EPHX2: variants seen among roughly 807,000 people sequenced by gnomAD.
The protein encoded by EPHX2 is bifunctional epoxide hydrolase 2.
In EPHX2, 74 loss-of-function variants were observed where a neutral mutation model predicts 78.7. The observed-to-expected ratio is 0.94, with a 90% CI of 0.78 to 1.14. The LOEUF (loss-of-function observed/expected upper bound fraction) is 1.14, where lower values mean the gene tolerates loss of function less well. EPHX2 is among the 50% of genes most tolerant of loss of function. The pLI, the probability that EPHX2 is intolerant of heterozygous loss-of-function variation, is 0.00. For missense variants in EPHX2, 715 were observed against 702.5 expected (o/e 1.02, Z -0.20); for synonymous variants, 251 against 255.2 (o/e 0.98, Z 0.16).
chr8:27,507,489 C>T (rs1234813384), intron 5 of EPHX2, among the ~76,000 whole-genome samples: 1 of 152,152 alleles, frequency 6.6e-6, no homozygotes, highest in Admixed American at 6.5e-5. Context: ...GCCTGCTCCT[C>T]CAGTTCTGAG....
rs140672948 is a variant in EPHX2 at position 27,530,620 on chromosome 8, G to C, written c.1170+5147G>C. On this transcript the variant is annotated intron_variant, in intron 12 of 18. Transcript: ENST00000521400. ...AATGGCTGCATGGGGTTTTGTAACA[G>C]GTAGACTATGGATTATGTAATCCTC... is the stretch of plus-strand genomic sequence containing the variant. 3.1e-3 allele frequency among the ~76,000 whole-genome samples: 476 copies of C among 152,168 alleles called. 2 individuals are homozygous for C. The highest frequency in any genetic ancestry group is 0.011 in the African/African-American group (465 of 41,506).
chr8:27,512,519 A>G (rs72475824), intron 6 of EPHX2, among the ~76,000 whole-genome samples: 81 of 152,370 alleles, frequency 5.3e-4, no homozygotes, highest in Middle Eastern at 6.8e-3. Context: ...TTAAAGGGTT[A>G]TCATAAAGCC....
intron 5 of EPHX2, among the ~76,000 whole-genome samples, chr8:27,511,265 G>C (rs1415343425): frequency 6.6e-6 from 1 of 152,262 alleles, no homozygotes; most frequent in African/African-American, 2.4e-5. Flanking sequence ...AGCTGTGCTG[G>C]AGTGACTGCT....
intron 11 of EPHX2, among the ~76,000 whole-genome samples, chr8:27,522,834 A>G (rs72475889): frequency 5.3e-5 from 8 of 151,960 alleles, no homozygotes; most frequent in African/African-American, 1.9e-4. Context: ...GGTGGCGTGC[A>G]CCTATACTCC....
In EPHX2 at chr8:27,543,808, G is replaced by A. The variant is rs572922758; in HGVS notation, c.1509G>A (p.Met503Ile). Residue 503 changes from methionine to isoleucine, a missense_variant, in exon 17 of 19, where the codon ATG becomes ATA. By Grantham distance (10) the Met-to-Ile change is conservative. Coordinates refer to ENST00000521400, the MANE Select transcript of EPHX2 (RefSeq NM_001979.6). Reference protein sequence around the residue: ...AEKDFVLVPQMSQHMEDWIPH... With the variant: ...AEKDFVLVPQISQHMEDWIPH... ...AGGACTTCGTGCTCGTTCCTCAGAT[G>A]TCCCAGCACATGGAGGACTGGGTGA... 2.3e-4 allele frequency: 379 copies of A among 1,614,020 alleles called. No homozygotes were observed. The highest frequency in any genetic ancestry group is 3.1e-4 in the Non-Finnish European group (365 of 1,180,016).
chr8:27,501,323 T>C (rs1036294532), intron 2 of EPHX2, among the ~76,000 whole-genome samples: 1 of 144,408 alleles, frequency 6.9e-6, no homozygotes, highest in Non-Finnish European at 1.5e-5. Flanking sequence ...ATGCTATATA[T>C]TTTCTTCTTC....
chr8:27,507,052 A>G (rs1485230312), intron 5 of EPHX2, 58 bp downstream of exon 5: 1 of 1,590,590 alleles, frequency 6.3e-7, no homozygotes, highest in African/African-American at 1.4e-5. Context: ...TTCTGGACTC[A>G]GGAGAAAACC....
intron 11 of EPHX2, 34 bp from the exon 12 acceptor site, chr8:27,525,328 A>C: frequency 6.3e-7 from 1 of 1,592,774 alleles, no homozygotes; most frequent in Non-Finnish European, 8.6e-7. Flanking sequence ...GTCTTCTTAC[A>C]GGGGCTATGT....
intron 4 of EPHX2, among the ~76,000 whole-genome samples, chr8:27,506,535 G>T (rs1375054042): frequency 6.6e-6 from 1 of 152,086 alleles, no homozygotes; most frequent in Non-Finnish European, 1.5e-5. Context: ...TTCATCAATT[G>T]TTTGACTCTC....
chr8:27,529,695 C>T (rs184635916), intron 12 of EPHX2, among the ~76,000 whole-genome samples: 22 of 152,076 alleles, frequency 1.4e-4, no homozygotes, highest in African/African-American at 5.3e-4. Context: ...GGTGGATCAC[C>T]TGAGGTCAGG....
intron 5 of EPHX2, among the ~76,000 whole-genome samples, chr8:27,508,221 T>G (rs1037872365): frequency 1.4e-4 from 21 of 152,180 alleles, no homozygotes; most frequent in African/African-American, 4.3e-4. Context: ...GAGAATAGCT[T>G]GAACCCAGGA....
chr8:27,522,419 C>T lies in EPHX2; in HGVS notation c.973-4C>T, dbSNP rs763740599. 3.7e-6 allele frequency: 6 copies of T among 1,613,702 alleles called. No homozygotes were observed. The highest frequency in any genetic ancestry group is 5.1e-6 in the Non-Finnish European group (6 of 1,179,870). ...ATTCGGCTCCCTTCTTTTTCCTTCT[C>T]TAGGGCCTCTCTCAAGCAGTGTTCA... On this transcript the variant is annotated splice_region_variant and splice_polypyrimidine_tract_variant and intron_variant, in intron 10 of 18. Transcript: ENST00000521400.
rs544430031 is a variant in EPHX2, at chr8:27,540,092, A to G, written c.1277-462A>G. On this transcript the variant is annotated intron_variant, in intron 14 of 18. Coordinates refer to ENST00000521400, the MANE Select transcript of EPHX2 (RefSeq NM_001979.6). Reference sequence around the variant, plus strand: ...ACGTGGGAGGTGACAGGATGCAGCCACCTGGCCTGGGTTCTCTTCCTGCCT... The same window carrying G: ...ACGTGGGAGGTGACAGGATGCAGCCGCCTGGCCTGGGTTCTCTTCCTGCCT... Among the ~76,000 whole-genome samples, 9 of 152,296 alleles carry G rather than the reference A, an allele frequency of 5.9e-5. No homozygotes were observed. The South Asian group carries it at 1.7e-3, about 28-fold the overall frequency.
intron 5 of EPHX2, among the ~76,000 whole-genome samples, chr8:27,507,401 G>A (rs1345985279): frequency 6.6e-6 from 1 of 152,160 alleles, no homozygotes; most frequent in South Asian, 2.1e-4. Flanking sequence ...TCAGAGGGAA[G>A]CCTCTTAAGA....
At chr8:27,525,279 G>C in intron 11 of EPHX2, 83 bp from the exon 12 acceptor site, 1 of 1,267,596 alleles carries the variant, frequency 7.9e-7, no homozygotes, top group Non-Finnish European at 1.2e-6. Context: ...CTGAGCTTCA[G>C]TTTTGAACTG....
chr8:27,514,449 T>C (rs115754196), intron 6 of EPHX2, among the ~76,000 whole-genome samples: 1 of 152,280 alleles, frequency 6.6e-6, no homozygotes, highest in African/African-American at 2.4e-5. Context: ...CGTGGAGATA[T>C]GTAATTGGGG....
intron 16 of EPHX2, among the ~76,000 whole-genome samples, chr8:27,542,520 T>C (rs534678039): frequency 2.0e-5 from 3 of 152,312 alleles, no homozygotes; most frequent in South Asian, 2.1e-4. Context: ...ATTATCATCA[T>C]ATGACCGATG....
intron 12 of EPHX2, among the ~76,000 whole-genome samples, chr8:27,527,349 C>G (rs868296924): frequency 1.3e-5 from 2 of 152,314 alleles, no homozygotes; most frequent in Admixed American, 1.3e-4. Context: ...TAGGTGTGAG[C>G]TACTGCACAT....
Position 27,523,935 on chromosome 8 carries a change from G to GTT in EPHX2, c.1059-1413_1059-1412dup, listed in dbSNP as rs58934271. On this transcript the variant is annotated intron_variant, in intron 11 of 18. Coordinates refer to ENST00000521400, the MANE Select transcript of EPHX2 (RefSeq NM_001979.6). ...CAAATTCACCCCCTTTTCTATTCCTGTTTTTTTTTTTTTTTGAGACAGAGT... is the reference window on the plus strand; with the variant it reads ...CAAATTCACCCCCTTTTCTATTCCTGTTTTTTTTTTTTTTTTTGAGACAGAGT... 4.3e-3 allele frequency among the ~76,000 whole-genome samples: 607 copies of GTT among 139,864 alleles called. 6 individuals carry two copies. The highest frequency in any genetic ancestry group is 0.015 in the African/African-American group (569 of 38,066). The allele number at this position is 139,864 out of a possible 152,430, so 91.8% of individuals were successfully genotyped here. A position where few individuals can be genotyped will look rare whatever the true frequency, so the allele number is the denominator to read the frequency against.
Sources: allele counts gnomAD v4.1 joint callset (sites outside exome capture counted in the v4.1 genomes callset), GRCh38; gene constraint gnomAD v4.1.1; transcripts MANE v1.5; gene names NCBI Gene and HGNC (gene_info 2026-07-23, HGNC 2026-07-21).